The following EYA2 variants were observed in gnomAD, a reference collection of about 807,000 sequenced individuals.
EYA2 encodes EYA transcriptional coactivator and phosphatase 2.
EYA2 carries 31 observed loss-of-function variants against 69.2 expected under a neutral mutation model. The ratio of observed to expected loss-of-function variants is 0.45; its 90% confidence interval spans 0.34 to 0.60. The LOEUF (loss-of-function observed/expected upper bound fraction) is 0.60. EYA2 is among the 20% of genes least tolerant of loss of function. The probability of loss-of-function intolerance (pLI) is 0.02; values close to 1 mark genes in which losing one functional copy is unlikely to be tolerated. For missense variants in EYA2, 622 were observed against 701.2 expected, an observed-to-expected ratio of 0.89 and a Z score of 1.28; for synonymous variants, 257 against 279.4, an observed-to-expected ratio of 0.92 and a Z score of 0.80.
chr20:46,971,228 G>C (rs938479065), intron 1 of EYA2, among the ~76,000 whole-genome samples: 8 of 152,158 alleles, frequency 5.3e-5, no homozygotes, highest in Admixed American at 4.6e-4. Context: ...AATAACAGTG[G>C]CATAAATAAC....
chr20:46,929,074 G>A (rs1013609534), intron 1 of EYA2, among the ~76,000 whole-genome samples: 4 of 151,172 alleles, frequency 2.6e-5, no homozygotes, highest in Middle Eastern at 3.2e-3. Flanking sequence ...CATTGTTCCC[G>A]AGGGTTTGGA....
At chr20:46,936,782 C>G (rs1005489273) in intron 1 of EYA2, among the ~76,000 whole-genome samples, 1 of 152,158 alleles carries the variant, frequency 6.6e-6, no homozygotes, top group Non-Finnish European at 1.5e-5. Flanking sequence ...CGCTTTCCCT[C>G]GACGGTTCTG....
intron 13 of EYA2, 73 bp downstream of exon 13, chr20:47,179,985 C>A: frequency 9.5e-7 from 1 of 1,052,278 alleles, no homozygotes; most frequent in South Asian, 1.3e-5. Flanking sequence ...TCCTGCATGT[C>A]CACACTTGGG....
At chr20:47,097,711 C>A (rs1329550854) in intron 9 of EYA2, among the ~76,000 whole-genome samples, 1 of 152,140 alleles carries the variant, frequency 6.6e-6, no homozygotes, top group Non-Finnish European at 1.5e-5. Flanking sequence ...TTGGCTGAAT[C>A]GTGGTGGATG....
At chr20:47,078,318 T>C (rs1266481836) in intron 7 of EYA2, among the ~76,000 whole-genome samples, 1 of 130,204 alleles carries the variant, frequency 7.7e-6, no homozygotes. Context: ...CATGTGCACG[T>C]GCGCGCGCGC....
rs987107282 is a variant in EYA2, at chr20:46,925,508, A to G, written c.-11+30521A>G. Among the ~76,000 whole-genome samples, 5 of 152,238 alleles carry G rather than the reference A, an allele frequency of 3.3e-5. 1 individual carries two copies. The highest frequency in any genetic ancestry group is 3.3e-4 in the Admixed American group (5 of 15,286). ...GATCAGAAAACAGTAACAATAATCC[A>G]TTAGAGAAATGGATGGAAGGTATGA... On this transcript the variant is annotated intron_variant, in intron 1 of 15. Coordinates refer to ENST00000327619, the MANE Select transcript of EYA2 (RefSeq NM_005244.5).
At chr20:46,901,002 G>A (rs1223573329) in intron 1 of EYA2, 1 of 152,196 alleles carries the variant, frequency 6.6e-6, no homozygotes, top group East Asian at 1.9e-4. Context: ...TCGTTACCTT[G>A]GCCACCTCTA....
At chr20:47,161,810 G>A (rs1006244335) in intron 10 of EYA2, 1 of 154,644 alleles carries the variant, frequency 6.5e-6, no homozygotes, top group Non-Finnish European at 1.4e-5. Flanking sequence ...ATAGTCTTGG[G>A]ATAGACAGAT....
At chr20:47,064,804 C>T (rs1012762947) in intron 5 of EYA2, among the ~76,000 whole-genome samples, 4 of 152,162 alleles carry the variant, frequency 2.6e-5, no homozygotes, top group Non-Finnish European at 5.9e-5. Flanking sequence ...TAGACAGCAG[C>T]GTCACATAAG....
chr20:47,075,373 TA>T (rs2031478022), intron 7 of EYA2, among the ~76,000 whole-genome samples: 1 of 152,196 alleles, frequency 6.6e-6, no homozygotes, highest in Non-Finnish European at 1.5e-5. Context: ...AGGTTTATAT[TA>T]TCCCCACCCT....
intron 4 of EYA2, among the ~76,000 whole-genome samples, chr20:47,008,666 C>T (rs1345466185): frequency 2.0e-5 from 3 of 152,200 alleles, no homozygotes; most frequent in Admixed American, 1.3e-4. Flanking sequence ...ACTTTTGGAG[C>T]GTCTGCTCCT....
rs6018258 is a variant in EYA2, at chr20:47,073,496, G to A, written c.484-662G>A. 8.9e-5 allele frequency among the ~76,000 whole-genome samples: 6 copies of A among 67,142 alleles called. No individual in the cohort carries two copies. The Admixed American group carries it at 9.4e-4, about 11-fold the overall frequency. The allele number at this position is 67,142 out of a possible 152,430, so 44.0% of individuals were successfully genotyped here. A position where few individuals can be genotyped will look rare whatever the true frequency, so the allele number is the denominator to read the frequency against. ...CTTCTAGGTTTGTGTGTGTGTCGTGGGGGGGGGGTGCAGTGTGGTCTTAAT... is the reference window on the plus strand; with the variant it reads ...CTTCTAGGTTTGTGTGTGTGTCGTGAGGGGGGGGTGCAGTGTGGTCTTAAT... On this transcript the variant is annotated intron_variant, in intron 6 of 15. Coordinates refer to ENST00000327619, the MANE Select transcript of EYA2 (RefSeq NM_005244.5).
intron 1 of EYA2, among the ~76,000 whole-genome samples, chr20:46,975,697 C>T (rs1257090206): frequency 6.6e-6 from 1 of 151,744 alleles, no homozygotes; most frequent in East Asian, 2.0e-4. Context: ...GGTGGATCAC[C>T]TGAGGTCAGG....
At chr20:47,029,729 A>G (rs6066171) in intron 5 of EYA2, among the ~76,000 whole-genome samples, 100,253 of 152,146 alleles carry the variant, frequency 0.66, 35,579 homozygotes, top group Non-Finnish European at 0.8. Flanking sequence ...CACTTCTTCC[A>G]AGTTTCATTC....
chr20:47,105,025 A>C (rs1158213785), intron 9 of EYA2, among the ~76,000 whole-genome samples: 1 of 152,086 alleles, frequency 6.6e-6, no homozygotes, highest in African/African-American at 2.4e-5. Context: ...TATCTCAAAA[A>C]TTTTTTTAAA....
chr20:47,029,684 C>T lies in EYA2; in HGVS notation c.415+13387C>T, dbSNP rs115056204. ...ACATCTTTACATTTTGCCCATATCA[C>T]CCAAGCTCCTTGCCTACTCACTAAG... On this transcript the variant is annotated intron_variant, in intron 5 of 15. Transcript: ENST00000327619. 6.6e-3 allele frequency among the ~76,000 whole-genome samples: 1,004 copies of T among 152,314 alleles called. 12 individuals are homozygous for T. The highest frequency in any genetic ancestry group is 0.023 in the African/African-American group (954 of 41,562).
intron 5 of EYA2, among the ~76,000 whole-genome samples, chr20:47,053,433 A>G (rs2030442462): frequency 6.6e-6 from 1 of 152,156 alleles, no homozygotes; most frequent in South Asian, 2.1e-4. Context: ...TGGGAAACCA[A>G]GATGAGCAGA....
intron 5 of EYA2, among the ~76,000 whole-genome samples, chr20:47,048,760 T>A (rs1490787196): frequency 6.6e-6 from 1 of 152,084 alleles, no homozygotes; most frequent in Non-Finnish European, 1.5e-5. Context: ...AATAAAATAC[T>A]GTGCAGCAGT....
intron 14 of EYA2, 28 bp from the exon 15 acceptor site, chr20:47,183,263 T>A (rs758580870): frequency 6.2e-7 from 1 of 1,611,074 alleles, no homozygotes; most frequent in South Asian, 1.1e-5. Flanking sequence ...CACAGAGCGT[T>A]TTTTCTTTCC....
Sources: gnomAD v4.1 joint callset for allele counts (sites outside exome capture counted in the v4.1 genomes callset) on GRCh38, gnomAD v4.1.1 for gene constraint, MANE v1.5 for transcripts, NCBI Gene and HGNC (gene_info 2026-07-23, HGNC 2026-07-21) for gene names.